IPMK: variants seen among roughly 807,000 people sequenced by gnomAD.
IPMK encodes the protein inositol polyphosphate multikinase.
Under a neutral mutation model 45.8 loss-of-function variants are expected in IPMK, and 17 were observed. That is an observed-to-expected ratio of 0.37 (90% CI 0.25 to 0.56). IPMK has a LOEUF of 0.56. IPMK is among the 20% of genes least tolerant of loss of function. The pLI is 0.79. For synonymous variants in IPMK, 180 were observed against 184.3 expected (o/e 0.98, Z 0.19); for missense variants, 399 against 498.0 (o/e 0.80, Z 1.89).
intron 4 of IPMK, among the ~76,000 whole-genome samples, chr10:58,209,896 C>T (rs1390672663): frequency 1.3e-5 from 2 of 152,158 alleles, no homozygotes; most frequent in Non-Finnish European, 2.9e-5. Context: ...GTAGTGCTTA[C>T]AAGAGAGCAC....
chr10:58,203,159 T>C (rs937744146), intron 4 of IPMK, among the ~76,000 whole-genome samples: 5 of 152,088 alleles, frequency 3.3e-5, no homozygotes, highest in Admixed American at 2.6e-4. Flanking sequence ...ATGGATGACT[T>C]TGAGGAGTTC....
Position 58,259,678 on chromosome 10 carries a change from A to AAAAAACAAAAAAAAC in IPMK, c.190+7743_190+7744insGTTTTTTTTGTTTTT, listed in dbSNP as rs1554825702. Among the ~76,000 whole-genome samples, 11 of 144,594 alleles carry AAAAAACAAAAAAAAC rather than the reference A, an allele frequency of 7.6e-5. 2 individuals carry two copies. The East Asian group carries it at 2.5e-3, about 33-fold the overall frequency. The allele number at this position is 144,594 out of a possible 152,430, so 94.9% of individuals were successfully genotyped here. ...TAAAATCCCATCTCTACATAAAAAA[A>AAAAAACAAAAAAAAC]AAAAAAAAACAATTAGCCAGGCATG... is the stretch of plus-strand genomic sequence containing the variant. On this transcript the variant is annotated intron_variant, in intron 1 of 5. Coordinates refer to ENST00000373935, the MANE Select transcript of IPMK (RefSeq NM_152230.5).
At chr10:58,200,558 T>C (rs1191975824) in intron 4 of IPMK, among the ~76,000 whole-genome samples, 2 of 152,210 alleles carry the variant, frequency 1.3e-5, no homozygotes, top group Non-Finnish European at 2.9e-5. Context: ...TTAAAACACA[T>C]TTTAGAATCA....
intron 1 of IPMK, among the ~76,000 whole-genome samples, chr10:58,263,620 G>A (rs796174416): frequency 5.3e-5 from 8 of 152,240 alleles, no homozygotes; most frequent in African/African-American, 1.7e-4. Context: ...TGAAGTTTGA[G>A]GCTGCAGTGA....
rs1049570648 is a variant in IPMK at position 58,247,132 on chromosome 10, A to G, written c.191-9318T>C. Reference sequence around the variant, plus strand: ...ACCATTTCACACCAGTTAGAATGGCAATCATTAAAAAGTCAGGAAACAACA... The same window carrying G: ...ACCATTTCACACCAGTTAGAATGGCGATCATTAAAAAGTCAGGAAACAACA... On this transcript the variant is annotated intron_variant, in intron 1 of 5. Coordinates refer to ENST00000373935, the MANE Select transcript of IPMK (RefSeq NM_152230.5). Among the ~76,000 whole-genome samples, 1,342 of 148,450 alleles carry G rather than the reference A, an allele frequency of 9.0e-3. 25 individuals are homozygous for G. Among genetic ancestry groups the G allele is most frequent in the African/African-American group, 0.032 (1,203 of 38,102 alleles).
rs763347320 is a variant in IPMK at position 58,196,570 on chromosome 10, A to G, written c.757T>C (p.Leu253=). 2.0e-5 allele frequency: 32 copies of G among 1,614,024 alleles called. 1 individual carries two copies. The Admixed American group carries it at 5.2e-4, about 26-fold the overall frequency. ...GATGAACCTTCATAAACAAAGAGTA[A>G]TGAACTTGCGTAAAAATTAAGCTGC... ...QKQLNFYASS[L]LFVYEGSSQP... The change falls in exon 6 of 6, where the codon TTA becomes CTA. Residue 253 remains leucine (L), a synonymous_variant. Coordinates refer to ENST00000373935, the MANE Select transcript of IPMK (RefSeq NM_152230.5).
At chr10:58,199,692 T>C (rs1588950433) in intron 4 of IPMK, among the ~76,000 whole-genome samples, 2 of 152,286 alleles carry the variant, frequency 1.3e-5, no homozygotes, top group South Asian at 4.1e-4. Context: ...ATTATTATCA[T>C]CTAATATTCT....
intron 1 of IPMK, 134 bp downstream of exon 1, chr10:58,267,288 C>G: frequency 1.2e-6 from 1 of 803,658 alleles, no homozygotes; most frequent in South Asian, 1.7e-5. Context: ...CGGGGGACAG[C>G]GGAAGAGGCC....
chr10:58,237,925 G>C (rs897836943), intron 1 of IPMK, 111 bp from the exon 2 acceptor site: 1 of 741,540 alleles, frequency 1.3e-6, no homozygotes, highest in Admixed American at 2.4e-5. Context: ...TAAACTTAAG[G>C]GTTTACTTTT....
chr10:58,211,925 AT>A, intron 4 of IPMK, among the ~76,000 whole-genome samples: 2 of 147,350 alleles, frequency 1.4e-5, no homozygotes, highest in Admixed American at 6.7e-5. Context: ...AAAAAAAAAA[AT>A]TTGTTTTCAT....
At chr10:58,230,019 C>T (rs927134278) in intron 2 of IPMK, among the ~76,000 whole-genome samples, 2 of 152,224 alleles carry the variant, frequency 1.3e-5, no homozygotes, top group Admixed American at 6.5e-5. Flanking sequence ...CCATGCATGG[C>T]TCAGTGGGTC....
intron 1 of IPMK, among the ~76,000 whole-genome samples, chr10:58,241,481 A>G (rs1457173490): frequency 6.6e-6 from 1 of 152,192 alleles, no homozygotes; most frequent in African/African-American, 2.4e-5. Context: ...CACCCTAAAC[A>G]AAAGACGACA....
chr10:58,199,097 A>G, intron 5 of IPMK, 143 bp downstream of exon 5: 1 of 553,532 alleles, frequency 1.8e-6, no homozygotes, highest in South Asian at 2.6e-5. Flanking sequence ...GGTTAATCCA[A>G]TTCTGTAAAT....
At chr10:58,197,300 A>AAGAT (rs1837912919) in intron 5 of IPMK, among the ~76,000 whole-genome samples, 1 of 83,288 alleles carries the variant, frequency 1.2e-5, no homozygotes, top group Non-Finnish European at 2.2e-5. Flanking sequence ...CTCCGTCTCA[A>AAGAT]AAATAAATAA....
At chr10:58,206,202 CCA>C (rs1838069247) in intron 4 of IPMK, among the ~76,000 whole-genome samples, 2 of 141,088 alleles carry the variant, frequency 1.4e-5, no homozygotes, top group Non-Finnish European at 3.0e-5. Flanking sequence ...TCACAAAATA[CCA>C]CACATTGTAC....
At chr10:58,240,150 A>G (rs1278876307) in intron 1 of IPMK, among the ~76,000 whole-genome samples, 1 of 152,160 alleles carries the variant, frequency 6.6e-6, no homozygotes, top group Non-Finnish European at 1.5e-5. Context: ...TGCTAAAGAA[A>G]CAATAGAAAA....
At chr10:58,249,850 T>C (rs1029258645) in intron 1 of IPMK, among the ~76,000 whole-genome samples, 4 of 152,196 alleles carry the variant, frequency 2.6e-5, no homozygotes, top group Admixed American at 1.3e-4. Flanking sequence ...CAAATACATA[T>C]TGGTTTTTTA....
chr10:58,255,111 T>G (rs1175807164), intron 1 of IPMK, among the ~76,000 whole-genome samples: 1 of 152,234 alleles, frequency 6.6e-6, no homozygotes, highest in Non-Finnish European at 1.5e-5. Context: ...TCCCACAGAC[T>G]GTCCCCCTAC....
chr10:58,257,451 T>C (rs775323680), intron 1 of IPMK, among the ~76,000 whole-genome samples: 2 of 152,082 alleles, frequency 1.3e-5, no homozygotes, highest in Non-Finnish European at 2.9e-5. Flanking sequence ...GCTGAGATTA[T>C]GCCACTGCAC....
Sources: allele counts gnomAD v4.1 joint callset (sites outside exome capture counted in the v4.1 genomes callset), GRCh38; gene constraint gnomAD v4.1.1; transcripts MANE v1.5; gene names NCBI Gene and HGNC (gene_info 2026-07-23, HGNC 2026-07-21).